DCLK1: variants seen among roughly 807,000 people sequenced by gnomAD.
DCLK1 encodes the protein doublecortin like kinase 1, also known as serine/threonine-protein kinase DCLK1.
DCLK1 carries 16 observed loss-of-function variants against 86.2 expected under a neutral mutation model. That is an observed-to-expected ratio of 0.19 (90% CI 0.13 to 0.28). The LOEUF (loss-of-function observed/expected upper bound fraction) is 0.28. Ranked by LOEUF, DCLK1 falls within the 10% of genes least tolerant of loss-of-function variation. The pLI is 1.00. For missense variants in DCLK1, 590 were observed against 940.2 expected, an observed-to-expected ratio of 0.63 and a Z score of 4.87; for synonymous variants, 369 against 370.5, an observed-to-expected ratio of 1.00 and a Z score of 0.05.
intron 5 of DCLK1, among the ~76,000 whole-genome samples, chr13:35,859,996 ACTAT>A (rs1416426888): frequency 2.6e-5 from 4 of 152,240 alleles, no homozygotes; most frequent in Non-Finnish European, 2.9e-5. Context: ...TCCAAGCGAG[ACTAT>A]CTAATTAAAA....
At chr13:35,994,856 T>A (rs1880404066) in intron 3 of DCLK1, among the ~76,000 whole-genome samples, 1 of 152,188 alleles carries the variant, frequency 6.6e-6, no homozygotes, top group African/African-American at 2.4e-5. Context: ...TACTATCTTA[T>A]CCACTGCCTA....
At chr13:35,983,845 T>C (rs941725227) in intron 3 of DCLK1, among the ~76,000 whole-genome samples, 4 of 152,158 alleles carry the variant, frequency 2.6e-5, no homozygotes, top group African/African-American at 9.7e-5. Context: ...TGGGTTTGAC[T>C]TGACCTCCTT....
intron 3 of DCLK1, among the ~76,000 whole-genome samples, chr13:36,092,518 A>C (rs10450825): frequency 8.2e-6 from 1 of 121,628 alleles, no homozygotes; most frequent in Non-Finnish European, 1.7e-5. Flanking sequence ...ACAGAGTCTC[A>C]CTCTGTCGCC....
intron 5 of DCLK1, among the ~76,000 whole-genome samples, chr13:35,862,582 C>A (rs1386258999): frequency 6.6e-6 from 1 of 152,166 alleles, no homozygotes; most frequent in African/African-American, 2.4e-5. Flanking sequence ...CTTCATAATA[C>A]CTACAATCTA....
At chr13:35,947,139 C>T (rs894955159) in intron 4 of DCLK1, among the ~76,000 whole-genome samples, 5 of 152,038 alleles carry the variant, frequency 3.3e-5, no homozygotes, top group East Asian at 1.9e-4. Flanking sequence ...ACATTAGTTA[C>T]TTATTCTTCT....
intron 4 of DCLK1, among the ~76,000 whole-genome samples, chr13:35,929,167 G>T (rs751368190): frequency 1.3e-5 from 2 of 152,282 alleles, no homozygotes; most frequent in Admixed American, 6.5e-5. Context: ...CTGACCCCGT[G>T]ATCCACCTGC....
chr13:35,803,690 C>A (rs1013642674), intron 15 of DCLK1, among the ~76,000 whole-genome samples: 3 of 152,138 alleles, frequency 2.0e-5, no homozygotes, highest in African/African-American at 7.2e-5. Flanking sequence ...TTCAATCATG[C>A]CTTGACCTCA....
At chr13:36,124,801 T>A (rs1313775482) in intron 2 of DCLK1, among the ~76,000 whole-genome samples, 1 of 152,206 alleles carries the variant, frequency 6.6e-6, no homozygotes, top group Non-Finnish European at 1.5e-5. Flanking sequence ...TTGTGCCATC[T>A]ACTTCTTCAT....
chr13:35,857,106 A>G (rs1051239028), intron 5 of DCLK1, among the ~76,000 whole-genome samples: 1 of 152,182 alleles, frequency 6.6e-6, no homozygotes, highest in Non-Finnish European at 1.5e-5. Flanking sequence ...GGAAGTGACC[A>G]TGTTCTCGGG....
intron 8 of DCLK1, 112 bp from the exon 9 acceptor site, chr13:35,828,419 T>C (rs1868662502): frequency 2.3e-6 from 2 of 855,956 alleles, no homozygotes; most frequent in Non-Finnish European, 3.5e-6. Flanking sequence ...GTTGTAAATA[T>C]TTTGTGAAAG....
chr13:36,056,926 T>TATAC (rs909139119), intron 3 of DCLK1, among the ~76,000 whole-genome samples: 12 of 145,494 alleles, frequency 8.2e-5, no homozygotes, highest in South Asian at 2.2e-4. Flanking sequence ...TATATATATA[T>TATAC]ACACACACAC....
At position 35,839,141 on chromosome 13, in the gene DCLK1, C is replaced by T. The variant is rs759034082; in HGVS notation, c.1071G>A (p.Ala357=). The T allele has an allele frequency of 1.7e-5, 27 of 1,594,356 alleles. No individual in the cohort carries two copies. The highest frequency in any genetic ancestry group is 3.5e-5 in the Admixed American group (2 of 56,830). Residue 357 remains alanine (A), a synonymous_variant, in exon 7 of 17, where the codon GCG becomes GCA. Transcript: ENST00000360631. ...SQHGGSSTSL[A]STKVCSSMDE... is the part of the protein sequence containing the mutation. ...CCATCGAGCTGCAGACTTTGGTGGA[C>T]GCAAGTGACGTAGAGGAGCCGCCAT...
At chr13:35,887,283 G>GA (rs1873330196) in intron 4 of DCLK1, among the ~76,000 whole-genome samples, 1 of 152,232 alleles carries the variant, frequency 6.6e-6, no homozygotes, top group Non-Finnish European at 1.5e-5. Context: ...GAATCAAGTA[G>GA]AAATGGACAC....
chr13:36,014,341 A>C (rs1881442740), intron 3 of DCLK1, among the ~76,000 whole-genome samples: 1 of 152,222 alleles, frequency 6.6e-6, no homozygotes, highest in African/African-American at 2.4e-5. Flanking sequence ...CTTCTCTTCA[A>C]TTCAGATGAA....
chr13:36,100,179 C>CAAAAAAAAAAAAA (rs58824322), intron 3 of DCLK1, among the ~76,000 whole-genome samples: 8 of 37,702 alleles, frequency 2.1e-4, no homozygotes, highest in Non-Finnish European at 3.0e-4. Flanking sequence ...CCTGTCTCTA[C>CAAAAAAAAAAAAA]AAAAAAAAAA....
intron 16 of DCLK1, among the ~76,000 whole-genome samples, chr13:35,792,274 G>A (rs1259935545): frequency 1.3e-5 from 2 of 152,068 alleles, no homozygotes; most frequent in Middle Eastern, 3.2e-3. Flanking sequence ...GCATGCATTC[G>A]TACCATTTGC....
intron 4 of DCLK1, among the ~76,000 whole-genome samples, chr13:35,945,601 A>G (rs1390332621): frequency 6.6e-6 from 1 of 152,192 alleles, no homozygotes; most frequent in Non-Finnish European, 1.5e-5. Context: ...TGGTCTGCCA[A>G]ACCATTCTAT....
chr13:35,931,867 A>G (rs1355060905), intron 4 of DCLK1, among the ~76,000 whole-genome samples: 1 of 152,222 alleles, frequency 6.6e-6, no homozygotes, highest in Non-Finnish European at 1.5e-5. Flanking sequence ...ATATGTTTTA[A>G]TGATACACAG....
chr13:36,121,689 G>T (rs1289963828), intron 2 of DCLK1, among the ~76,000 whole-genome samples: 5 of 152,106 alleles, frequency 3.3e-5, no homozygotes, highest in African/African-American at 9.7e-5. Flanking sequence ...TATACACAGG[G>T]TTCAGTACTA....
Sources: gnomAD v4.1 joint callset for allele counts (sites outside exome capture counted in the v4.1 genomes callset) on GRCh38, gnomAD v4.1.1 for gene constraint, MANE v1.5 for transcripts, NCBI Gene and HGNC (gene_info 2026-07-23, HGNC 2026-07-21) for gene names.